Variants in SORCS3 observed in about 807,000 individuals in gnomAD.
The protein encoded by SORCS3 is sortilin related VPS10 domain containing receptor 3.
In SORCS3, 57 loss-of-function variants were observed where a neutral mutation model predicts 146.3. That is an observed-to-expected ratio of 0.39 (90% confidence interval 0.31 to 0.49). SORCS3 has a LOEUF of 0.49. Ranked by LOEUF, SORCS3 falls within the 20% of genes least tolerant of loss-of-function variation. SORCS3 has a pLI of 0.92. For missense variants in SORCS3, 1,341 were observed against 1,575.5 expected (o/e 0.85, Z 2.52); for synonymous variants, 653 against 618.5 (o/e 1.06, Z -0.83).
intron 1 of SORCS3, among the ~76,000 whole-genome samples, chr10:104,771,043 G>A (rs2133483564): frequency 6.6e-6 from 1 of 152,230 alleles, no homozygotes; most frequent in African/African-American, 2.4e-5. Context: ...AGTTCAGACT[G>A]GCCACAATCC....
intron 16 of SORCS3, 105 bp from the exon 17 acceptor site, chr10:105,211,032 T>C: frequency 2.8e-6 from 2 of 701,938 alleles, no homozygotes; most frequent in South Asian, 3.4e-5. Flanking sequence ...CAATGTGTTA[T>C]GACTTTCTGG....
chr10:105,223,167 A>G lies in SORCS3; in HGVS notation c.2786A>G (p.Lys929Arg). Residue 929 changes from lysine (K) to arginine (R), a missense_variant, in exon 20 of 27, where the codon AAG (lysine) becomes AGG (arginine). Lys to Arg is a conservative substitution (Grantham distance 26). Transcript: ENST00000369701. ...GTTCCATTTGTTGCCATAAGAAATA[A>G]GGAGGTCAACATCAGTGCAGTCGTG... The part of the protein sequence containing the change: ...LRVPFVAIRN[K>R]EVNISAVVWP... The G allele has an allele frequency of 6.2e-7, 1 of 1,613,212 alleles. No individual in the cohort carries two copies. Among genetic ancestry groups the G allele is most frequent in the Non-Finnish European group, 8.5e-7 (1 of 1,179,302 alleles).
chr10:105,033,846 A>G (rs2055286803), intron 4 of SORCS3, among the ~76,000 whole-genome samples: 1 of 152,226 alleles, frequency 6.6e-6, no homozygotes, highest in South Asian at 2.1e-4. Context: ...CATGGAAAAC[A>G]GAGAATTAGA....
intron 2 of SORCS3, among the ~76,000 whole-genome samples, chr10:104,858,884 G>A (rs1305817849): frequency 2.7e-5 from 4 of 149,686 alleles, no homozygotes; most frequent in African/African-American, 9.9e-5. Flanking sequence ...GCCTCCCAAA[G>A]TGCTGGGATT....
intron 4 of SORCS3, among the ~76,000 whole-genome samples, chr10:104,978,769 A>T (rs1011938831): frequency 6.6e-6 from 1 of 152,152 alleles, no homozygotes; most frequent in African/African-American, 2.4e-5. Flanking sequence ...TAATACTACA[A>T]CCTGAAAAAA....
chr10:104,876,617 AG>A (rs1329875531), intron 2 of SORCS3, among the ~76,000 whole-genome samples: 2 of 152,156 alleles, frequency 1.3e-5, no homozygotes, highest in Non-Finnish European at 2.9e-5. Context: ...CTGTAGAATT[AG>A]GAGTATTCCT....
chr10:105,118,029 C>T lies in SORCS3; in HGVS notation c.1212+12514C>T, dbSNP rs534697792. On this transcript the variant is annotated intron_variant, in intron 7 of 26. Coordinates refer to ENST00000369701, the MANE Select transcript of SORCS3 (RefSeq NM_014978.3). ...CACTCTTTAAATATGGGTTTTTCCT[C>T]AGTGTTCTTTCTAGGTTCCTTTTCT... 2.2e-3 allele frequency among the ~76,000 whole-genome samples: 328 copies of T among 152,214 alleles called. 1 individual carries two copies. The highest frequency in any genetic ancestry group is 3.9e-3 in the Non-Finnish European group (264 of 68,024).
At position 105,255,775 on chromosome 10, in the gene SORCS3, T is replaced by C. The variant is rs777291871; in HGVS notation, c.3311T>C (p.Ile1104Thr). 18 of 1,613,726 alleles carry C rather than the reference T, an allele frequency of 1.1e-5. No individual in the cohort carries two copies. Among genetic ancestry groups the C allele is most frequent in the Admixed American group, 1.7e-5 (1 of 59,950 alleles). The part of the protein sequence containing the change: ...QFELKPGVQV[I>T]VYVTQLTLAP... ...GAGCTGAAGCCGGGGGTACAAGTCATTGTGTATGTCACACAGCTGACGTTA... is the reference window on the plus strand; with the variant it reads ...GAGCTGAAGCCGGGGGTACAAGTCACTGTGTATGTCACACAGCTGACGTTA... The change falls in exon 24 of 27, where the codon ATT becomes ACT. Residue 1104 changes from isoleucine (I) to threonine (T), a missense_variant. Physicochemically the swap from Ile to Thr is moderately conservative, Grantham distance 89. Transcript: ENST00000369701.
chr10:104,674,539 C>A (rs1323909194), intron 1 of SORCS3, among the ~76,000 whole-genome samples: 1 of 152,164 alleles, frequency 6.6e-6, no homozygotes, highest in Admixed American at 6.6e-5. Context: ...GTGAGGGAAG[C>A]AAATCTTCCC....
chr10:104,937,825 C>T (rs963129964), intron 3 of SORCS3, among the ~76,000 whole-genome samples: 2 of 152,222 alleles, frequency 1.3e-5, no homozygotes, highest in Non-Finnish European at 2.9e-5. Context: ...CACTAATGGG[C>T]ACTTCCAAAT....
chr10:104,874,631 T>G (rs1564703388), intron 2 of SORCS3, among the ~76,000 whole-genome samples: 1 of 152,106 alleles, frequency 6.6e-6, no homozygotes, highest in Non-Finnish European at 1.5e-5. Flanking sequence ...ATGGGTAGAA[T>G]TAGGAATGGC....
intron 4 of SORCS3, among the ~76,000 whole-genome samples, chr10:105,023,016 C>A (rs756823938): frequency 6.6e-6 from 1 of 152,128 alleles, no homozygotes; most frequent in Non-Finnish European, 1.5e-5. Context: ...TATGCTCCCC[C>A]CTCTACCAGT....
rs565877682 is a variant in SORCS3 at position 104,658,087 on chromosome 10, G to A, written c.627+16133G>A. 2.0e-5 allele frequency among the ~76,000 whole-genome samples: 3 copies of A among 152,226 alleles called. No homozygotes were observed. In the East Asian group the frequency reaches 5.8e-4, roughly 29 times the overall value. Reference sequence around the variant, plus strand: ...TTTTAAAATTGCCTTTCTCCCTTCTGGTTTTGTTTTGTGTTTTCTTTCTTG... The same window carrying A: ...TTTTAAAATTGCCTTTCTCCCTTCTAGTTTTGTTTTGTGTTTTCTTTCTTG... On this transcript the variant is annotated intron_variant, in intron 1 of 26. Transcript: ENST00000369701.
chr10:104,688,344 G>A (rs1589458115), intron 1 of SORCS3, among the ~76,000 whole-genome samples: 2 of 152,364 alleles, frequency 1.3e-5, no homozygotes, highest in East Asian at 1.9e-4. Context: ...CCCAGGCAGA[G>A]GCTGCGTGTG....
chr10:104,689,263 C>T (rs536091987), intron 1 of SORCS3, among the ~76,000 whole-genome samples: 2 of 152,324 alleles, frequency 1.3e-5, no homozygotes, highest in South Asian at 4.1e-4. Context: ...ATCCAGTCAT[C>T]CTTCAGTGTT....
chr10:105,211,363 T>C, intron 17 of SORCS3, 113 bp downstream of exon 17: 1 of 733,542 alleles, frequency 1.4e-6, no homozygotes. Flanking sequence ...AGTCTGTTTA[T>C]AACAAATGGC....
intron 3 of SORCS3, among the ~76,000 whole-genome samples, chr10:104,934,664 T>A (rs1408506068): frequency 1.3e-5 from 2 of 152,240 alleles, no homozygotes; most frequent in Non-Finnish European, 2.9e-5. Context: ...GGTTTACTCC[T>A]TTACCACTTC....
intron 3 of SORCS3, among the ~76,000 whole-genome samples, chr10:104,947,302 C>T (rs1487748071): frequency 2.0e-5 from 3 of 151,972 alleles, no homozygotes; most frequent in Admixed American, 6.6e-5. Flanking sequence ...GTAGTTTTTG[C>T]GGATTGAGGG....
intron 3 of SORCS3, among the ~76,000 whole-genome samples, chr10:104,943,085 A>G (rs777494461): frequency 4.7e-4 from 72 of 152,364 alleles, no homozygotes; most frequent in Non-Finnish European, 8.5e-4. Flanking sequence ...TATAATGTCA[A>G]TGTATAAAAG....
Sources: allele counts gnomAD v4.1 joint callset (sites outside exome capture counted in the v4.1 genomes callset), GRCh38; gene constraint gnomAD v4.1.1; transcripts MANE v1.5; gene names NCBI Gene and HGNC (gene_info 2026-07-23, HGNC 2026-07-21).